MEF2C: variants seen among roughly 807,000 people sequenced by gnomAD.
MEF2C encodes the protein myocyte enhancer factor 2C.
In MEF2C, 6 loss-of-function variants were observed where a neutral mutation model predicts 50.5. The observed-to-expected ratio is 0.12, with a 90% CI of 0.07 to 0.23. The LOEUF (loss-of-function observed/expected upper bound fraction) is 0.23. Ranked by LOEUF, MEF2C falls within the 10% of genes least tolerant of loss-of-function variation. The pLI, the probability that MEF2C is intolerant of heterozygous loss-of-function variation, is 1.00. For missense variants in MEF2C, 276 were observed against 605.0 expected (o/e 0.46, Z 5.70); for synonymous variants, 183 against 228.0 (o/e 0.80, Z 1.78).
At chr5:88,854,331 AAT>A (rs1424829284) in intron 1 of MEF2C, among the ~76,000 whole-genome samples, 2 of 152,246 alleles carry the variant, frequency 1.3e-5, no homozygotes, top group African/African-American at 4.8e-5. Context: ...ATTAGAAATC[AAT>A]CAGGAAGTAT....
intron 6 of MEF2C, chr5:88,742,068 T>A: frequency 1.0e-6 from 1 of 985,250 alleles, no homozygotes; most frequent in Admixed American, 6.2e-5. Flanking sequence ...TTGGCAAAGG[T>A]TTGTCTAAAA....
At chr5:88,778,415 A>G (rs1464879034) in intron 3 of MEF2C, among the ~76,000 whole-genome samples, 1 of 152,130 alleles carries the variant, frequency 6.6e-6, no homozygotes, top group Non-Finnish European at 1.5e-5. Context: ...GAAGCCAACC[A>G]CTTGCCTCTT....
intron 3 of MEF2C, among the ~76,000 whole-genome samples, chr5:88,792,436 T>C (rs1794205412): frequency 6.6e-6 from 1 of 152,206 alleles, no homozygotes; most frequent in South Asian, 2.1e-4. Flanking sequence ...ACATTTATGC[T>C]CTGAATTCCA....
chr5:88,795,600 ACTT>A (rs1438278036), intron 3 of MEF2C, among the ~76,000 whole-genome samples: 1 of 152,088 alleles, frequency 6.6e-6, no homozygotes, highest in Non-Finnish European at 1.5e-5. Context: ...AGGCAAGTTG[ACTT>A]CTTCTTTTCC....
At chr5:88,761,138 G>C in intron 4 of MEF2C, 47 bp downstream of exon 4, 2 of 1,613,976 alleles carry the variant, frequency 1.2e-6, no homozygotes, top group South Asian at 1.1e-5. Flanking sequence ...GCCAGGTTCA[G>C]AGAAATATCA....
chr5:88,860,078 A>G (rs920720023), intron 1 of MEF2C, among the ~76,000 whole-genome samples: 1 of 152,194 alleles, frequency 6.6e-6, no homozygotes, highest in African/African-American at 2.4e-5. Context: ...TCAGCCTTCT[A>G]ATAATGACTG....
intron 1 of MEF2C, among the ~76,000 whole-genome samples, chr5:88,891,430 C>T (rs544346056): frequency 7.2e-6 from 1 of 138,692 alleles, no homozygotes; most frequent in South Asian, 2.3e-4. Context: ...CGCAGTCTCG[C>T]TCTGTCGCCC....
At chr5:88,777,099 A>C (rs1258258900) in intron 3 of MEF2C, among the ~76,000 whole-genome samples, 1 of 152,116 alleles carries the variant, frequency 6.6e-6, no homozygotes, top group Admixed American at 6.6e-5. Flanking sequence ...TAACTTATGA[A>C]ATCTCAGTTA....
chr5:88,807,951 C>T (rs547459595), intron 2 of MEF2C, among the ~76,000 whole-genome samples: 1 of 152,008 alleles, frequency 6.6e-6, no homozygotes, highest in East Asian at 1.9e-4. Context: ...TGTTTTTCAC[C>T]TTCTATTTCA....
intron 6 of MEF2C, chr5:88,739,161 G>T: frequency 6.1e-6 from 6 of 982,348 alleles, no homozygotes; most frequent in Non-Finnish European, 7.3e-6. Flanking sequence ...TGTTACCCGG[G>T]AAATAACTTC....
At chr5:88,864,311 TAC>T (rs1427433384) in intron 1 of MEF2C, among the ~76,000 whole-genome samples, 4 of 151,730 alleles carry the variant, frequency 2.6e-5, no homozygotes, top group African/African-American at 2.4e-5. Context: ...TATCAATATA[TAC>T]AGTTATTATA....
chr5:88,759,477 C>T (rs533634118), intron 4 of MEF2C, among the ~76,000 whole-genome samples: 45 of 151,774 alleles, frequency 3.0e-4, no homozygotes, highest in Non-Finnish European at 4.6e-4. Flanking sequence ...AGTGAAACTC[C>T]GTCTCAAAAA....
chr5:88,840,491 CAAAT>C (rs373615298), intron 1 of MEF2C, among the ~76,000 whole-genome samples: 2 of 152,222 alleles, frequency 1.3e-5, no homozygotes, highest in East Asian at 3.9e-4. Context: ...ATATTCTTAT[CAAAT>C]AAATATTTTT....
intron 6 of MEF2C, chr5:88,738,934 T>C: frequency 4.1e-6 from 4 of 983,922 alleles, no homozygotes; most frequent in Non-Finnish European, 4.8e-6. Context: ...AACACCAGAG[T>C]AGCTGTTTAA....
At chr5:88,829,190 T>C (rs1400700916) in intron 1 of MEF2C, among the ~76,000 whole-genome samples, 1 of 152,022 alleles carries the variant, frequency 6.6e-6, no homozygotes, top group Non-Finnish European at 1.5e-5. Flanking sequence ...ACATCTGCCA[T>C]GCTCCTTCCT....
intron 1 of MEF2C, among the ~76,000 whole-genome samples, chr5:88,841,217 A>T (rs1581444241): frequency 1.3e-5 from 2 of 152,188 alleles, no homozygotes; most frequent in East Asian, 3.8e-4. Context: ...CTGCTACTGA[A>T]ATGATCTTAG....
chr5:88,869,322 TAGCTTC>T (rs1828774526), intron 1 of MEF2C, among the ~76,000 whole-genome samples: 1 of 141,612 alleles, frequency 7.1e-6, no homozygotes, highest in Non-Finnish European at 1.5e-5. Context: ...TATACACATA[TAGCTTC>T]ATTTGTACAA....
chr5:88,723,479 C>A (rs1757143989), intron 10 of MEF2C, among the ~76,000 whole-genome samples: 1 of 152,164 alleles, frequency 6.6e-6, no homozygotes, highest in Admixed American at 6.5e-5. Context: ...GACTAGAACT[C>A]AAATGCTGCA....
At chr5:88,858,152 C>A (rs899338425) in intron 1 of MEF2C, among the ~76,000 whole-genome samples, 2 of 152,166 alleles carry the variant, frequency 1.3e-5, no homozygotes, top group Admixed American at 6.5e-5. Flanking sequence ...TTCAAATCAA[C>A]TCAATGCATA....
Sources: allele counts gnomAD v4.1 joint callset (sites outside exome capture counted in the v4.1 genomes callset), GRCh38; gene constraint gnomAD v4.1.1; transcripts MANE v1.5; gene names NCBI Gene and HGNC (gene_info 2026-07-23, HGNC 2026-07-21).